Variants in MCTP1 observed in about 807,000 individuals in gnomAD.
The protein encoded by MCTP1 is multiple C2 and transmembrane domain-containing protein 1.
MCTP1 carries 69 observed loss-of-function variants against 120.6 expected under a neutral mutation model. That is an observed-to-expected ratio of 0.57 (90% CI 0.47 to 0.70). The LOEUF (loss-of-function observed/expected upper bound fraction) is 0.70, where lower values mean the gene tolerates loss of function less well. Ranked by LOEUF, MCTP1 falls within the 30% of genes least tolerant of loss-of-function variation. MCTP1 has a pLI of 0.00. For missense variants in MCTP1, 1,203 were observed against 1,248.8 expected (o/e 0.96, Z 0.55); for synonymous variants, 529 against 493.1 (o/e 1.07, Z -0.96).
chr5:94,921,412 T>C (rs1204870951), intron 7 of MCTP1, among the ~76,000 whole-genome samples: 1 of 152,190 alleles, frequency 6.6e-6, no homozygotes, highest in East Asian at 1.9e-4. Context: ...TTTCATTCAG[T>C]GTAAATCAGT....
intron 1 of MCTP1, chr5:95,023,979 C>A: frequency 2.9e-6 from 1 of 342,124 alleles, no homozygotes. Flanking sequence ...TTTTTAGTGC[C>A]TTCGTCTATT....
At chr5:95,260,141 G>T (rs1758337462) in intron 1 of MCTP1, among the ~76,000 whole-genome samples, 1 of 152,042 alleles carries the variant, frequency 6.6e-6, no homozygotes, top group Non-Finnish European at 1.5e-5. Flanking sequence ...ATCTGTAAGG[G>T]TATTTTTCTA....
intron 1 of MCTP1, among the ~76,000 whole-genome samples, chr5:95,265,447 T>C (rs1758807015): frequency 1.3e-5 from 2 of 152,212 alleles, no homozygotes; most frequent in Non-Finnish European, 2.9e-5. Context: ...TTCTGAATCA[T>C]CCACCACCTC....
At chr5:95,088,146 G>A (rs1163563309) in intron 1 of MCTP1, among the ~76,000 whole-genome samples, 3 of 152,212 alleles carry the variant, frequency 2.0e-5, no homozygotes, top group Admixed American at 6.5e-5. Context: ...GTGCTCTGAA[G>A]CTGCTGACAA....
At chr5:95,135,142 A>C (rs560911590) in intron 1 of MCTP1, among the ~76,000 whole-genome samples, 1 of 152,226 alleles carries the variant, frequency 6.6e-6, no homozygotes, top group South Asian at 2.1e-4. Flanking sequence ...TAAAGAAACA[A>C]ATCTGAAAGA....
chr5:94,726,750 A>G (rs1431279132), intron 19 of MCTP1, among the ~76,000 whole-genome samples: 1 of 152,190 alleles, frequency 6.6e-6, no homozygotes, highest in Non-Finnish European at 1.5e-5. Flanking sequence ...AGTTTTCATT[A>G]CTAGTTAAAA....
intron 19 of MCTP1, among the ~76,000 whole-genome samples, chr5:94,721,844 G>GTT (rs11423883): frequency 0.03 from 3,989 of 135,062 alleles, 74 homozygotes; most frequent in African/African-American, 0.047. Flanking sequence ...ACACTGTTTT[G>GTT]TTTTTTTTTT....
At position 95,284,163 on chromosome 5, in the gene MCTP1, G is replaced by T. The variant is rs768423999; in HGVS notation, c.413C>A (p.Ala138Glu). 1.3e-6 allele frequency: 2 copies of T among 1,568,010 alleles called. No homozygotes were observed. Among genetic ancestry groups the T allele is most frequent in the Admixed American group, 3.7e-5 (2 of 54,056 alleles). Residue 138 changes from alanine to glutamate, a missense_variant, in exon 1 of 23, where the codon GCG (alanine) becomes GAG (glutamate). Around this residue, in one of 2 missense-constraint regions of MCTP1, gnomAD observed 463 missense variants for 377.8 expected, o/e 1.23. Transcript: ENST00000515393. The surrounding 1 kb of genome is among the most constrained non-coding windows in gnomAD (Gnocchi z 5.2). ...HLLPAVKGPA[A>E]ASGAAGGTPP... Reference sequence around the variant, plus strand: ...CGTCCCTCCCGCTGCTCCCGAGGCCGCCGCGGGCCCCTTTACGGCGGGGAG... The same window carrying T: ...CGTCCCTCCCGCTGCTCCCGAGGCCTCCGCGGGCCCCTTTACGGCGGGGAG...
chr5:94,843,501 G>T (rs1031809301), intron 17 of MCTP1, among the ~76,000 whole-genome samples: 1 of 152,204 alleles, frequency 6.6e-6, no homozygotes, highest in African/African-American at 2.4e-5. Flanking sequence ...AGAAAGGAGT[G>T]TACGTAAGAC....
intron 1 of MCTP1, among the ~76,000 whole-genome samples, chr5:95,124,102 C>A (rs1441560503): frequency 6.6e-6 from 1 of 152,182 alleles, no homozygotes; most frequent in Non-Finnish European, 1.5e-5. Context: ...CAACCTGGAG[C>A]CTGAGAGATG....
chr5:94,848,786 T>G (rs1050722967), intron 17 of MCTP1, among the ~76,000 whole-genome samples: 1 of 151,900 alleles, frequency 6.6e-6, no homozygotes, highest in African/African-American at 2.4e-5. Flanking sequence ...TATTTTACAA[T>G]TAAATAATTT....
At chr5:95,130,695 G>C (rs1035452122) in intron 1 of MCTP1, among the ~76,000 whole-genome samples, 1 of 152,110 alleles carries the variant, frequency 6.6e-6, no homozygotes, top group African/African-American at 2.4e-5. Flanking sequence ...GTGTCCCTCT[G>C]TGTGTCTGTG....
intron 1 of MCTP1, among the ~76,000 whole-genome samples, chr5:95,224,358 G>C (rs966254575): frequency 2.0e-5 from 3 of 152,066 alleles, no homozygotes; most frequent in African/African-American, 7.2e-5. Context: ...AATATCTAAG[G>C]GGATATTTAC....
In MCTP1 at chr5:94,842,609, G is replaced by T. The variant is rs538199777; in HGVS notation, c.2436+25724C>A. Among the ~76,000 whole-genome samples, 15 of 152,262 alleles carry T rather than the reference G, an allele frequency of 9.9e-5. No individual in the cohort carries two copies. In the East Asian group the frequency reaches 2.7e-3, roughly 27 times the overall value. On this transcript the variant is annotated intron_variant, in intron 17 of 22. Transcript: ENST00000515393. ...CAAGCAATTCCTTCCTCTTATCTTT[G>T]CAATATGATAAAGATAGAGCAAATC...
At chr5:95,078,031 T>TCCATCCATGTATCTATCCATCCATCC (rs1293450492) in intron 1 of MCTP1, among the ~76,000 whole-genome samples, 1 of 139,460 alleles carries the variant, frequency 7.2e-6, no homozygotes, top group African/African-American at 2.6e-5. Flanking sequence ...ATCATCCATC[T>TCCATCCATGTATCTATCCATCCATCC]ATCCATCCAT....
At chr5:95,143,592 G>C (rs923126417) in intron 1 of MCTP1, among the ~76,000 whole-genome samples, 12 of 151,862 alleles carry the variant, frequency 7.9e-5, no homozygotes, top group African/African-American at 2.9e-4. Flanking sequence ...AGTTTCTACC[G>C]TTTCCATCTT....
At chr5:94,734,699 C>A (rs547177710) in intron 19 of MCTP1, among the ~76,000 whole-genome samples, 7 of 152,296 alleles carry the variant, frequency 4.6e-5, no homozygotes, top group Non-Finnish European at 8.8e-5. Context: ...TAAAGCAATC[C>A]TCCCACCTCG....
Position 95,231,652 on chromosome 5 carries a change from TA to T in MCTP1, c.720+52203del, listed in dbSNP as rs371773462. Reference sequence around the variant, plus strand: ...TATCAGATGGAAGTACAGATCTACATAAAGGAATGAAGAGTACCAGAAATGA... The same window carrying T: ...TATCAGATGGAAGTACAGATCTACATAAGGAATGAAGAGTACCAGAAATGA... On this transcript the variant is annotated intron_variant, in intron 1 of 22. Coordinates refer to ENST00000515393, the MANE Select transcript of MCTP1 (RefSeq NM_024717.7). 3.2e-4 allele frequency among the ~76,000 whole-genome samples: 48 copies of T among 152,040 alleles called. No homozygotes were observed. In the East Asian group the frequency reaches 7.5e-3, roughly 24 times the overall value.
At chr5:95,010,033 A>G (rs1835605951) in intron 2 of MCTP1, among the ~76,000 whole-genome samples, 1 of 152,102 alleles carries the variant, frequency 6.6e-6, no homozygotes, top group African/African-American at 2.4e-5. Context: ...TGTTCTGTGC[A>G]AGGGTGATAT....
Sources: allele counts gnomAD v4.1 joint callset (sites outside exome capture counted in the v4.1 genomes callset), GRCh38; gene constraint gnomAD v4.1.1; regional missense constraint gnomAD v4.1.1; non-coding constraint Gnocchi (gnomAD v3.1); transcripts MANE v1.5; gene names NCBI Gene and HGNC (gene_info 2026-07-23, HGNC 2026-07-21).